Variants in SOX5 observed in about 807,000 individuals in gnomAD.
SOX5 encodes the protein transcription factor SOX-5.
Under a neutral mutation model 92.0 loss-of-function variants are expected in SOX5, and 9 were observed. That is an observed-to-expected ratio of 0.10 (90% confidence interval 0.06 to 0.17). The LOEUF (loss-of-function observed/expected upper bound fraction) is 0.17, where lower values mean the gene tolerates loss of function less well. Among genes scored for constraint, SOX5 ranks in the 10% least tolerant of loss-of-function variants. The pLI is 1.00. For missense variants in SOX5, 642 were observed against 944.5 expected (o/e 0.68, Z 4.20); for synonymous variants, 344 against 336.3 (o/e 1.02, Z -0.25).
chr12:24,323,898 A>C (rs1950435378), intron 2 of SOX5, among the ~76,000 whole-genome samples: 1 of 152,136 alleles, frequency 6.6e-6, no homozygotes, highest in African/African-American at 2.4e-5. Flanking sequence ...TTCCTTAGCT[A>C]AGTTTCTAAA....
At chr12:23,785,184 A>G (rs2095357176) in intron 3 of SOX5, among the ~76,000 whole-genome samples, 1 of 152,246 alleles carries the variant, frequency 6.6e-6, no homozygotes, top group Non-Finnish European at 1.5e-5. Context: ...ATTTACCATT[A>G]ATGACATGAA....
chr12:23,536,830 G>A (rs946736040), intron 13 of SOX5, among the ~76,000 whole-genome samples, 161 bp from the exon 14 acceptor site: 1 of 152,126 alleles, frequency 6.6e-6, no homozygotes, highest in Non-Finnish European at 1.5e-5. Context: ...AACAGAGGTG[G>A]TGGTGGTTTT....
chr12:24,401,295 T>G (rs1458559821), intron 1 of SOX5, among the ~76,000 whole-genome samples: 1 of 146,250 alleles, frequency 6.8e-6, no homozygotes, highest in African/African-American at 2.6e-5. Flanking sequence ...GAGGTTGCAG[T>G]GAGCCGAGAT....
intron 4 of SOX5, among the ~76,000 whole-genome samples, chr12:24,079,456 T>C (rs1345259674): frequency 1.3e-5 from 2 of 152,054 alleles, no homozygotes; most frequent in African/African-American, 4.8e-5. Context: ...TGAAAATAAA[T>C]AGTACATTTT....
At chr12:24,353,786 G>C (rs941132144) in intron 2 of SOX5, among the ~76,000 whole-genome samples, 1 of 151,976 alleles carries the variant, frequency 6.6e-6, no homozygotes, top group Non-Finnish European at 1.5e-5. Context: ...GATTACAGGC[G>C]CCCGCCACCA....
At chr12:24,469,827 T>C (rs1944612283) in intron 1 of SOX5, among the ~76,000 whole-genome samples, 1 of 152,190 alleles carries the variant, frequency 6.6e-6, no homozygotes, top group Admixed American at 6.5e-5. Flanking sequence ...CTGATTACAA[T>C]TGGAGTTTCC....
At chr12:24,208,930 A>G (rs2139645001) in intron 4 of SOX5, among the ~76,000 whole-genome samples, 1 of 152,332 alleles carries the variant, frequency 6.6e-6, no homozygotes, top group Non-Finnish European at 1.5e-5. Context: ...ACGGTTATTG[A>G]TGATCTTAGC....
intron 4 of SOX5, among the ~76,000 whole-genome samples, chr12:24,014,110 A>G (rs1592336127): frequency 6.6e-6 from 1 of 152,184 alleles, no homozygotes; most frequent in Non-Finnish European, 1.5e-5. Flanking sequence ...TCCTTTTATT[A>G]GCAATGGATT....
At chr12:24,074,630 C>CAAAAAAA (rs76320418) in intron 4 of SOX5, among the ~76,000 whole-genome samples, 989 of 51,248 alleles carry the variant, frequency 0.019, 80 homozygotes, top group Middle Eastern at 0.054. Context: ...TGTAAACTAC[C>CAAAAAAA]AAAAAAAAAA....
intron 3 of SOX5, among the ~76,000 whole-genome samples, chr12:23,826,453 A>G (rs1348289840): frequency 3.3e-5 from 5 of 152,188 alleles, no homozygotes; most frequent in Non-Finnish European, 5.9e-5. Context: ...TTAAGCAATG[A>G]GAAGGTAAAA....
chr12:24,264,237 A>G (rs918000588), intron 3 of SOX5, among the ~76,000 whole-genome samples: 7 of 152,116 alleles, frequency 4.6e-5, no homozygotes, highest in African/African-American at 1.7e-4. Context: ...ATATCTTGGT[A>G]TTTGCTATTT....
chr12:24,114,595 A>G (rs892897688), intron 4 of SOX5, among the ~76,000 whole-genome samples: 3 of 149,538 alleles, frequency 2.0e-5, no homozygotes, highest in African/African-American at 7.5e-5. Flanking sequence ...AAAAAAAAAA[A>G]AAAAAAAAAA....
At chr12:24,092,764 T>C (rs1944809682) in intron 4 of SOX5, among the ~76,000 whole-genome samples, 1 of 152,232 alleles carries the variant, frequency 6.6e-6, no homozygotes, top group Admixed American at 6.5e-5. Context: ...TATATAAATA[T>C]TCCATTTCAA....
upstream of SOX5, among the ~76,000 whole-genome samples, chr12:23,952,407 G>A (rs1366823579): frequency 6.6e-6 from 1 of 152,162 alleles, no homozygotes; most frequent in Non-Finnish European, 1.5e-5. Flanking sequence ...AAGAGTATGA[G>A]TGTTTGAGGC....
At chr12:23,584,743 GTGTGTA>G in intron 9 of SOX5, 1 of 597,792 alleles carries the variant, frequency 1.7e-6, no homozygotes, top group Non-Finnish European at 3.0e-6. Flanking sequence ...GTGTGTGTGT[GTGTGTA>G]TGTGTGTGTG....
chr12:24,093,554 T>C (rs1434123917), intron 4 of SOX5, among the ~76,000 whole-genome samples: 1 of 150,742 alleles, frequency 6.6e-6, no homozygotes, highest in Non-Finnish European at 1.5e-5. Flanking sequence ...AAAACAAAAA[T>C]ACTTCAACCA....
chr12:24,011,145 T>A (rs933447827), intron 4 of SOX5, among the ~76,000 whole-genome samples: 1 of 152,220 alleles, frequency 6.6e-6, no homozygotes, highest in Admixed American at 6.5e-5. Context: ...AGAAAATTGC[T>A]TGTAATACAG....
At chr12:23,790,293 A>G (rs1003265891) in intron 3 of SOX5, among the ~76,000 whole-genome samples, 9 of 152,158 alleles carry the variant, frequency 5.9e-5, no homozygotes, top group African/African-American at 2.2e-4. Flanking sequence ...TCATAATCAT[A>G]TCTTAAGTGT....
intron 8 of SOX5, among the ~76,000 whole-genome samples, chr12:23,629,209 T>C (rs2078220147): frequency 6.6e-6 from 1 of 152,104 alleles, no homozygotes; most frequent in Non-Finnish European, 1.5e-5. Flanking sequence ...AAGGTTGCCA[T>C]TGTTACCAAT....
Sources: allele counts gnomAD v4.1 joint callset (sites outside exome capture counted in the v4.1 genomes callset), GRCh38; gene constraint gnomAD v4.1.1; transcripts MANE v1.5; gene names NCBI Gene and HGNC (gene_info 2026-07-23, HGNC 2026-07-21).